PDE4B: variants seen among roughly 807,000 people sequenced by gnomAD.
PDE4B encodes phosphodiesterase 4B.
A neutral mutation model predicts 82.2 loss-of-function variants in PDE4B; 20 were observed. The observed-to-expected ratio is 0.24, with a 90% CI of 0.17 to 0.35. The LOEUF is 0.35. Ranked by LOEUF, PDE4B falls within the 10% of genes least tolerant of loss-of-function variation. The pLI is 1.00. For synonymous variants in PDE4B, 320 were observed against 318.9 expected, an observed-to-expected ratio of 1.00 and a Z score of -0.04; for missense variants, 655 against 907.2, an observed-to-expected ratio of 0.72 and a Z score of 3.57.
At chr1:66,263,585 G>A (rs1654836509) in intron 6 of PDE4B, among the ~76,000 whole-genome samples, 1 of 152,134 alleles carries the variant, frequency 6.6e-6, no homozygotes, top group African/African-American at 2.4e-5. Context: ...TGTAAGCAAA[G>A]AGATCAGAAC....
intron 1 of PDE4B, among the ~76,000 whole-genome samples, chr1:65,877,545 G>A (rs142045452): frequency 0.022 from 3,316 of 152,022 alleles, 55 homozygotes; most frequent in Middle Eastern, 0.037. Flanking sequence ...ACCCTGGGAG[G>A]CAGAGTTTGC....
At chr1:66,011,665 GT>G (rs972577893) in intron 3 of PDE4B, among the ~76,000 whole-genome samples, 3 of 151,794 alleles carry the variant, frequency 2.0e-5, no homozygotes, top group South Asian at 4.1e-4. Flanking sequence ...AAAAATGAGT[GT>G]TTTTTTTCCT....
chr1:66,218,564 T>A (rs1010243410), intron 3 of PDE4B, among the ~76,000 whole-genome samples: 1 of 152,064 alleles, frequency 6.6e-6, no homozygotes, highest in Non-Finnish European at 1.5e-5. Flanking sequence ...AAAGTTATAC[T>A]CCTCCTAGAT....
intron 1 of PDE4B, among the ~76,000 whole-genome samples, chr1:65,855,337 T>C (rs1207177467): frequency 1.3e-5 from 2 of 152,164 alleles, no homozygotes; most frequent in African/African-American, 4.8e-5. Context: ...TTAAATTATA[T>C]TGATTATTTT....
chr1:65,950,540 G>A lies in PDE4B; in HGVS notation c.281+31705G>A, dbSNP rs535831193. Among the ~76,000 whole-genome samples, 5 of 152,190 alleles carry A rather than the reference G, an allele frequency of 3.3e-5. No individual in the cohort carries two copies. In the East Asian group the frequency reaches 5.8e-4, roughly 18 times the overall value. ...GGAAGCAGAATAGGATGGGGAAAACGCCAAGCAAGAATGTGGTCTCAGGAG... is the reference window on the plus strand; with the variant it reads ...GGAAGCAGAATAGGATGGGGAAAACACCAAGCAAGAATGTGGTCTCAGGAG... On this transcript the variant is annotated intron_variant, in intron 3 of 16. Transcript: ENST00000341517.
In PDE4B at chr1:65,793,005, GC is replaced by G. The variant is rs992906686; in HGVS notation, c.-310del. Among the ~76,000 whole-genome samples the G allele has an allele frequency of 1.3e-5, 2 of 151,758 alleles. No individual in the cohort carries two copies. The highest frequency in any genetic ancestry group is 2.4e-5 in the African/African-American group (1 of 41,360). On this transcript the variant is annotated 5_prime_UTR_variant, in exon 1 of 17. Transcript: ENST00000341517. ...CCGCGCGCGCGCCCCCGGCCCGCGC[GC>G]CCCTTCCCGGGGCTCCTGGCCTCGC...
chr1:65,911,734 G>A (rs893025732), intron 1 of PDE4B, among the ~76,000 whole-genome samples: 3 of 152,162 alleles, frequency 2.0e-5, no homozygotes, highest in African/African-American at 7.2e-5. Context: ...CTTGTCCTTT[G>A]CATATTGAAT....
intron 1 of PDE4B, among the ~76,000 whole-genome samples, chr1:65,902,384 G>A (rs1318438284): frequency 6.6e-6 from 1 of 152,116 alleles, no homozygotes; most frequent in Non-Finnish European, 1.5e-5. Context: ...GCTCTTATTG[G>A]TAGCTAAGTA....
Position 66,299,659 on chromosome 1 carries a change from G to A in PDE4B, c.635-32849G>A, listed in dbSNP as rs139337091. Among the ~76,000 whole-genome samples, 200 of 152,266 alleles carry A rather than the reference G, an allele frequency of 1.3e-3. 3 individuals are homozygous for A. The South Asian group carries it at 0.018, about 13-fold the overall frequency. On this transcript the variant is annotated intron_variant, in intron 7 of 16. Coordinates refer to ENST00000341517, the MANE Select transcript of PDE4B (RefSeq NM_002600.4). ...CCATACCGTTTTCCATAATAGCTGT[G>A]CTAACTTACTTTCCCATCAACAGTT...
intron 1 of PDE4B, among the ~76,000 whole-genome samples, chr1:65,895,316 G>A (rs986231173): frequency 2.8e-4 from 43 of 152,004 alleles, no homozygotes; most frequent in African/African-American, 9.9e-4. Context: ...TTGGGGGGCC[G>A]AAACAGGTGA....
At chr1:66,310,881 A>T (rs1312980095) in intron 7 of PDE4B, among the ~76,000 whole-genome samples, 2 of 152,234 alleles carry the variant, frequency 1.3e-5, no homozygotes, top group East Asian at 3.8e-4. Context: ...GTAAGGTGTT[A>T]AACACTAATA....
At chr1:66,178,630 T>G (rs1336182052) in intron 3 of PDE4B, among the ~76,000 whole-genome samples, 2 of 152,200 alleles carry the variant, frequency 1.3e-5, no homozygotes, top group Non-Finnish European at 2.9e-5. Flanking sequence ...TGCTCTTAAC[T>G]AAAAAGATTT....
chr1:66,354,719 C>T, intron 8 of PDE4B: 2 of 1,436,586 alleles, frequency 1.4e-6, no homozygotes, highest in African/African-American at 2.9e-5. Context: ...AGGTTTTTGT[C>T]TTTTCTAAGT....
chr1:66,217,132 C>G (rs1650525170), intron 3 of PDE4B, among the ~76,000 whole-genome samples: 1 of 151,966 alleles, frequency 6.6e-6, no homozygotes, highest in South Asian at 2.1e-4. Flanking sequence ...TGTCAGCTTC[C>G]CCTCTCCAGA....
chr1:65,962,126 A>G (rs552871996), intron 3 of PDE4B, among the ~76,000 whole-genome samples: 13 of 152,200 alleles, frequency 8.5e-5, no homozygotes, highest in Non-Finnish European at 7.3e-5. Flanking sequence ...GGGCAAAATC[A>G]TCTACCACAA....
intron 3 of PDE4B, among the ~76,000 whole-genome samples, chr1:66,103,264 T>C (rs1557562729): frequency 7.3e-6 from 1 of 137,182 alleles, no homozygotes. Context: ...TTACATTGCT[T>C]CATCCCTCTC....
chr1:66,256,892 A>G (rs1458626403), intron 4 of PDE4B, among the ~76,000 whole-genome samples: 1 of 152,238 alleles, frequency 6.6e-6, no homozygotes, highest in Non-Finnish European at 1.5e-5. Context: ...CATGTCTTCT[A>G]GTACCTTCAA....
chr1:66,135,251 G>T (rs1646033273), intron 3 of PDE4B, among the ~76,000 whole-genome samples: 1 of 152,208 alleles, frequency 6.6e-6, no homozygotes, highest in African/African-American at 2.4e-5. Flanking sequence ...AGATTACTTT[G>T]ATGAAGAACT....
intron 9 of PDE4B, among the ~76,000 whole-genome samples, chr1:66,357,724 T>C (rs1427003757): frequency 6.6e-6 from 1 of 152,046 alleles, no homozygotes; most frequent in African/African-American, 2.4e-5. Flanking sequence ...GATTAGAATT[T>C]TAAATGTTCT....
Sources: gnomAD v4.1 joint callset for allele counts (sites outside exome capture counted in the v4.1 genomes callset) on GRCh38, gnomAD v4.1.1 for gene constraint, MANE v1.5 for transcripts, NCBI Gene and HGNC (gene_info 2026-07-23, HGNC 2026-07-21) for gene names.